Variants in SEC24B observed in about 807,000 individuals in gnomAD.
SEC24B encodes the protein protein transport protein Sec24B.
In SEC24B, 45 loss-of-function variants were observed where a neutral mutation model predicts 142.8. The ratio of observed to expected loss-of-function variants is 0.32; its 90% CI spans 0.25 to 0.40. The LOEUF (loss-of-function observed/expected upper bound fraction) is 0.40, where lower values mean the gene tolerates loss of function less well. Among genes scored for constraint, SEC24B ranks in the 10% least tolerant of loss-of-function variants. SEC24B has a pLI of 1.00. For missense variants in SEC24B, 1,409 were observed against 1,526.8 expected (o/e 0.92, Z 1.29); for synonymous variants, 574 against 568.2 (o/e 1.01, Z -0.15).
intron 16 of SEC24B, 33 bp downstream of exon 16, chr4:109,525,537 A>G: frequency 6.8e-7 from 1 of 1,462,778 alleles, no homozygotes; most frequent in South Asian, 1.3e-5. Context: ...TTTTATATTA[A>G]ATACTTGTAT....
intron 1 of SEC24B, among the ~76,000 whole-genome samples, chr4:109,452,153 A>G (rs1397926267): frequency 6.6e-6 from 1 of 151,564 alleles, no homozygotes; most frequent in East Asian, 1.9e-4. Flanking sequence ...TATCCTTGTT[A>G]TTCTGAATGT....
chr4:109,493,152 T>C (rs1471028819), intron 5 of SEC24B, among the ~76,000 whole-genome samples: 1 of 152,188 alleles, frequency 6.6e-6, no homozygotes, highest in Non-Finnish European at 1.5e-5. Context: ...GGTCTTATCC[T>C]TTTAAGAAGT....
intron 1 of SEC24B, among the ~76,000 whole-genome samples, chr4:109,444,235 A>T (rs563164903): frequency 1.1e-4 from 17 of 151,746 alleles, no homozygotes; most frequent in African/African-American, 4.1e-4. Flanking sequence ...AAAAAAAAGA[A>T]TAGTTTTTAC....
chr4:109,437,179 G>A (rs1728486793), intron 1 of SEC24B, among the ~76,000 whole-genome samples: 1 of 152,166 alleles, frequency 6.6e-6, no homozygotes, highest in Non-Finnish European at 1.5e-5. Context: ...TGAGTTGGAG[G>A]ACCCCCAGTT....
At chr4:109,473,479 A>G (rs563325142) in intron 3 of SEC24B, among the ~76,000 whole-genome samples, 3 of 149,770 alleles carry the variant, frequency 2.0e-5, no homozygotes, top group South Asian at 2.1e-4. Flanking sequence ...TTTATTTCCT[A>G]TTTTTTAAAG....
chr4:109,493,021 C>T (rs917783304), intron 5 of SEC24B, among the ~76,000 whole-genome samples: 14 of 152,034 alleles, frequency 9.2e-5, no homozygotes, highest in Non-Finnish European at 5.9e-5. Context: ...CACCCAGCGC[C>T]ATTGTTTTTT....
intron 6 of SEC24B, among the ~76,000 whole-genome samples, chr4:109,496,076 C>T (rs1054453801): frequency 1.3e-5 from 2 of 152,036 alleles, no homozygotes; most frequent in African/African-American, 2.4e-5. Context: ...ATTACATTCA[C>T]ATCTATATTT....
At chr4:109,491,505 ATTTT>A in intron 5 of SEC24B, 98 bp downstream of exon 5, 1 of 851,632 alleles carries the variant, frequency 1.2e-6, no homozygotes, top group Admixed American at 2.3e-5. Context: ...AGCAGGCTAT[ATTTT>A]TAACAAGAAA....
chr4:109,521,219 A>C lies in SEC24B; in HGVS notation c.2301+47A>C, dbSNP rs1208438767. The C allele has an allele frequency of 3.4e-6, 4 of 1,181,210 alleles. No homozygotes were observed. In the African/African-American group the frequency reaches 4.6e-5, roughly 14 times the overall value. The allele number at this position is 1,181,210 out of a possible 1,614,324, so 73.2% of individuals were successfully genotyped here. A position where few individuals can be genotyped will look rare whatever the true frequency, so the allele number is the denominator to read the frequency against. ...AAAGCATAAAAATATTTATATTGTG[A>C]CTGGTAACTAAAATATTTAACATTT... On this transcript the variant is annotated intron_variant, in intron 13 of 23. Transcript: ENST00000265175.
chr4:109,474,423 TG>T (rs952332884), intron 3 of SEC24B, among the ~76,000 whole-genome samples: 5 of 148,200 alleles, frequency 3.4e-5, no homozygotes, highest in East Asian at 3.9e-4. Context: ...TTCTTCCTAT[TG>T]TTTTTTTTTT....
intron 6 of SEC24B, among the ~76,000 whole-genome samples, chr4:109,503,369 G>C (rs13133392): frequency 0.1 from 15,094 of 151,616 alleles, 834 homozygotes; most frequent in Middle Eastern, 0.18. Flanking sequence ...GATTACAGGC[G>C]CCCGCCACAC....
Position 109,473,149 on chromosome 4 carries a change from C to T in SEC24B, c.1023C>T (p.Thr341=), listed in dbSNP as rs879222295. 1 of 1,592,712 alleles carries T rather than the reference C, an allele frequency of 6.3e-7. No individual in the cohort carries two copies. The highest frequency in any genetic ancestry group is 1.8e-5 in the Admixed American group (1 of 56,774). The part of the protein sequence containing the change: ...PTANHPVEPV[T]SVTQPSELLQ... ...CAAATCACCCAGTTGAGCCTGTGAC[C>T]TCAGTTACACAGCCATCAGAGCTAT... The change falls in exon 3 of 24, where the codon ACC becomes ACT. Residue 341 remains threonine, a synonymous_variant. Coordinates refer to ENST00000265175, the MANE Select transcript of SEC24B (RefSeq NM_006323.5).
chr4:109,512,336 G>A lies in SEC24B; in HGVS notation c.1903+253G>A, dbSNP rs1167720184. ...GAAACAGTGACACTCATGCAGGTGA[G>A]CTTATGCAGACTAGTTATGCTTGTC... On this transcript the variant is annotated intron_variant, in intron 9 of 23. Transcript: ENST00000265175. Among the ~76,000 whole-genome samples, 5 of 152,178 alleles carry A rather than the reference G, an allele frequency of 3.3e-5. No individual in the cohort carries two copies. The East Asian group carries it at 7.7e-4, about 23-fold the overall frequency.
chr4:109,453,558 C>T (rs534701328), intron 1 of SEC24B, among the ~76,000 whole-genome samples: 17 of 150,842 alleles, frequency 1.1e-4, no homozygotes, highest in African/African-American at 3.9e-4. Flanking sequence ...CTCTGCCTGC[C>T]TGGCCCACAG....
chr4:109,506,009 G>T (rs1043587416), intron 6 of SEC24B, among the ~76,000 whole-genome samples: 1 of 152,190 alleles, frequency 6.6e-6, no homozygotes, highest in African/African-American at 2.4e-5. Context: ...GTAATTGGGG[G>T]AGGGGAACCT....
chr4:109,507,204 G>T (rs1250393323), intron 7 of SEC24B, among the ~76,000 whole-genome samples: 6 of 151,514 alleles, frequency 4.0e-5, no homozygotes, highest in Non-Finnish European at 8.8e-5. Context: ...TCTTTTTTTG[G>T]AAGACATCCT....
chr4:109,452,015 CA>C (rs1464814118), intron 1 of SEC24B, among the ~76,000 whole-genome samples: 3 of 151,262 alleles, frequency 2.0e-5, no homozygotes, highest in African/African-American at 7.3e-5. Flanking sequence ...TTTAGATAAA[CA>C]TATGTAATCA....
chr4:109,512,493 C>G (rs191303041), intron 9 of SEC24B, among the ~76,000 whole-genome samples: 1 of 152,154 alleles, frequency 6.6e-6, no homozygotes, highest in Admixed American at 6.5e-5. Context: ...TTCGGGTTCC[C>G]CTACTAGAGT....
intron 7 of SEC24B, among the ~76,000 whole-genome samples, chr4:109,509,075 G>A (rs1233679070): frequency 6.6e-6 from 1 of 152,172 alleles, no homozygotes; most frequent in Non-Finnish European, 1.5e-5. Context: ...AAATAGAAGA[G>A]TCTGGACAGG....
Sources: allele counts gnomAD v4.1 joint callset (sites outside exome capture counted in the v4.1 genomes callset), GRCh38; gene constraint gnomAD v4.1.1; transcripts MANE v1.5; gene names NCBI Gene and HGNC (gene_info 2026-07-23, HGNC 2026-07-21).